The following PGCKA1 variants were observed in gnomAD, a reference collection of about 807,000 sequenced individuals.
PGCKA1 encodes PDCD10 and GCKIII kinases-associated protein 1.
chr4:37,546,175 T>G, the PGCKA1 span, among the ~76,000 whole-genome samples: 1 of 152,254 alleles, frequency 6.6e-6, no homozygotes. Flanking sequence ...CTAACTACTG[T>G]CTGAAAAAGG....
chr4:37,539,545 T>C, the PGCKA1 span, among the ~76,000 whole-genome samples: 1 of 152,122 alleles, frequency 6.6e-6, no homozygotes, highest in East Asian at 1.9e-4. Flanking sequence ...TCCCAGCTAC[T>C]CCAGAGGCTG....
At chr4:37,543,486 C>T in the PGCKA1 span, among the ~76,000 whole-genome samples, 3 of 152,086 alleles carry the variant, frequency 2.0e-5, no homozygotes, top group Middle Eastern at 3.4e-3. Context: ...AAATTATTTC[C>T]ATGTTGTATA....
the PGCKA1 span, among the ~76,000 whole-genome samples, chr4:37,544,955 A>C: frequency 1.3e-3 from 200 of 151,760 alleles, no homozygotes; most frequent in Admixed American, 2.4e-3. Context: ...CCCCGGGTTC[A>C]AGTGATTCTC....
chr4:37,591,393 G>C, the PGCKA1 span: 1 of 159,960 alleles, frequency 6.3e-6, no homozygotes, highest in East Asian at 1.8e-4. Flanking sequence ...CATTCCTTTT[G>C]ACTGTAAACT....
chr4:37,562,446 A>G, the PGCKA1 span, among the ~76,000 whole-genome samples: 29 of 152,354 alleles, frequency 1.9e-4, no homozygotes, highest in African/African-American at 4.6e-4. Flanking sequence ...TTCATGGCCT[A>G]AAAAGATCGT....
the PGCKA1 span, among the ~76,000 whole-genome samples, chr4:37,487,957 G>A: frequency 6.6e-6 from 1 of 151,796 alleles, no homozygotes; most frequent in Non-Finnish European, 1.5e-5. Context: ...TACTATTGTT[G>A]GACATTTGGA....
the PGCKA1 span, among the ~76,000 whole-genome samples, chr4:37,545,148 G>A: frequency 3.6e-3 from 552 of 152,248 alleles, 6 homozygotes; most frequent in African/African-American, 0.012. Context: ...GAGCCACCGC[G>A]CCTGGCCAGG....
chr4:37,545,711 C>T, the PGCKA1 span, among the ~76,000 whole-genome samples: 1 of 152,180 alleles, frequency 6.6e-6, no homozygotes, highest in African/African-American at 2.4e-5. Context: ...GTTGTCATCC[C>T]CCCATTCATT....
At chr4:37,553,452 T>C in the PGCKA1 span, among the ~76,000 whole-genome samples, 58 of 152,210 alleles carry the variant, frequency 3.8e-4, 1 homozygote, top group Non-Finnish European at 4.4e-5. Flanking sequence ...TAGACACTTG[T>C]TTGATATAGG....
the PGCKA1 span, among the ~76,000 whole-genome samples, chr4:37,584,726 T>C: frequency 6.6e-6 from 1 of 152,104 alleles, no homozygotes; most frequent in East Asian, 1.9e-4. Context: ...CCAGGGTCAA[T>C]CTTGGTCAGC....
chr4:37,569,613 C>A, the PGCKA1 span, among the ~76,000 whole-genome samples: 1 of 152,146 alleles, frequency 6.6e-6, no homozygotes, highest in Non-Finnish European at 1.5e-5. Flanking sequence ...TTAGGACTGT[C>A]ATTTTGATAG....
At chr4:37,592,931 T>C in the PGCKA1 span, among the ~76,000 whole-genome samples, 1 of 152,232 alleles carries the variant, frequency 6.6e-6, no homozygotes, top group East Asian at 1.9e-4. Context: ...TTATTTGACT[T>C]TGGCAATTAT....
the PGCKA1 span, among the ~76,000 whole-genome samples, chr4:37,476,284 C>CAAAGCAGTGAAGCAGATGTGGG: frequency 6.6e-6 from 1 of 152,076 alleles, no homozygotes; most frequent in Non-Finnish European, 1.5e-5. Context: ...ATAACTTACC[C>CAAAGCAGTGAAGCAGATGTGGG]AAAGCAGTGA....
At chr4:37,546,895 A>T in the PGCKA1 span, among the ~76,000 whole-genome samples, 1 of 152,254 alleles carries the variant, frequency 6.6e-6, no homozygotes, top group Non-Finnish European at 1.5e-5. Context: ...AGGAACTGGC[A>T]TTTAGAGTCT....
chr4:37,499,851 T>C, the PGCKA1 span, among the ~76,000 whole-genome samples: 1 of 151,968 alleles, frequency 6.6e-6, no homozygotes, highest in Non-Finnish European at 1.5e-5. Flanking sequence ...CCTTTGAGGT[T>C]ACTTTGCTCT....
the PGCKA1 span, chr4:37,590,754 C>T: frequency 5.0e-6 from 8 of 1,614,022 alleles, no homozygotes; most frequent in South Asian, 8.8e-5. Flanking sequence ...ATACGCCCTT[C>T]TCTGTGAGGA....
At chr4:37,524,878 C>T in the PGCKA1 span, among the ~76,000 whole-genome samples, 7 of 152,014 alleles carry the variant, frequency 4.6e-5, no homozygotes, top group Non-Finnish European at 8.8e-5. Flanking sequence ...AAGTGTAATG[C>T]GCACAGTGGG....
the PGCKA1 span, among the ~76,000 whole-genome samples, chr4:37,568,224 A>G: frequency 9.2e-4 from 140 of 152,326 alleles, 1 homozygote; most frequent in African/African-American, 3.2e-3. Context: ...GCCACCTGTC[A>G]CTGAGAAACA....
chr4:37,564,160 G>A, the PGCKA1 span, among the ~76,000 whole-genome samples: 1 of 151,494 alleles, frequency 6.6e-6, no homozygotes, highest in Non-Finnish European at 1.5e-5. Context: ...TGTAATCCCA[G>A]CTATTCAGGA....
Sources: allele counts gnomAD v4.1 joint callset (sites outside exome capture counted in the v4.1 genomes callset), GRCh38; gene constraint gnomAD v4.1.1; transcripts MANE v1.5; gene names NCBI Gene and HGNC (gene_info 2026-07-23, HGNC 2026-07-21).